The following PRKAA2 variants were observed in gnomAD, a reference collection of about 807,000 sequenced individuals.
The protein encoded by PRKAA2 is protein kinase AMP-activated catalytic subunit alpha 2, also known as 5'-AMP-activated protein kinase catalytic subunit alpha-2.
PRKAA2 carries 40 observed loss-of-function variants against 56.3 expected under a neutral mutation model. The observed-to-expected ratio is 0.71, with a 90% CI of 0.55 to 0.92. The LOEUF is 0.92. Ranked by LOEUF, PRKAA2 falls within the 40% of genes least tolerant of loss-of-function variation. The pLI is 0.00. For synonymous variants in PRKAA2, 214 were observed against 234.2 expected (o/e 0.91, Z 0.79); for missense variants, 542 against 686.9 (o/e 0.79, Z 2.36).
intron 1 of PRKAA2, among the ~76,000 whole-genome samples, chr1:56,656,307 A>G (rs1436976019): frequency 6.6e-6 from 1 of 152,204 alleles, no homozygotes; most frequent in Non-Finnish European, 1.5e-5. Context: ...AGTTAATTGC[A>G]AACCTCCATT....
intron 2 of PRKAA2, among the ~76,000 whole-genome samples, chr1:56,689,190 A>G (rs976662652): frequency 6.6e-6 from 1 of 152,300 alleles, no homozygotes; most frequent in Non-Finnish European, 1.5e-5. Context: ...AGACCAACCT[A>G]CAGTGAGGTG....
chr1:56,661,173 G>A (rs781651270), intron 1 of PRKAA2, among the ~76,000 whole-genome samples: 3 of 152,130 alleles, frequency 2.0e-5, no homozygotes, highest in Non-Finnish European at 4.4e-5. Flanking sequence ...CACAGCTTAG[G>A]TATATAGTGT....
At chr1:56,653,411 T>C (rs899337934) in intron 1 of PRKAA2, among the ~76,000 whole-genome samples, 10 of 152,096 alleles carry the variant, frequency 6.6e-5, no homozygotes, top group Non-Finnish European at 1.5e-4. Context: ...GCTATTTTCA[T>C]AGTATGTCCA....
intron 6 of PRKAA2, among the ~76,000 whole-genome samples, chr1:56,700,747 G>C (rs138860052): frequency 6.0e-4 from 91 of 152,258 alleles, no homozygotes; most frequent in African/African-American, 1.9e-3. Context: ...AGAACTGCTA[G>C]ACATGTAAAA....
At position 56,712,855 on chromosome 1, in the gene PRKAA2, AAAAC is replaced by A. The variant is rs1281071053; in HGVS notation, c.*5146_*5149del. ...TGACAGCACAAGACTGTCTCAAAAA[AAAAC>A]AAAAAAAGGAAAAAGAAAACTAGCC... On this transcript the variant is annotated 3_prime_UTR_variant, in exon 9 of 9. Coordinates refer to ENST00000371244, the MANE Select transcript of PRKAA2 (RefSeq NM_006252.4). The A allele has an allele frequency of 1.3e-5, 2 of 152,124 alleles. No individual in the cohort carries two copies. Among genetic ancestry groups the A allele is most frequent in the African/African-American group, 2.4e-5 (1 of 41,404 alleles). 9.4% of individuals were successfully genotyped at this position (152,124 alleles called of 1,614,324 possible).
rs750469075 is a variant in PRKAA2, at chr1:56,707,592, C to G, written c.1538C>G (p.Ser513Cys). ...DSTTAESHSL[S>C]GSLTGSLTGS... ...ACAACTGCAGAGAGCCATTCACTTT[C>G]TGGCTCTCTCACTGGCTCTTTGACC... Residue 513 changes from serine to cysteine, a missense_variant, in exon 9 of 9, where the codon TCT (serine) becomes TGT (cysteine). By Grantham distance (112) the Ser-to-Cys change is moderately radical (BLOSUM62 -1). Around this residue, in one of 5 missense-constraint regions of PRKAA2, gnomAD observed 158 missense variants for 166.1 expected, o/e 0.95. Transcript: ENST00000371244. 6.8e-6 allele frequency: 11 copies of G among 1,613,914 alleles called. No individual in the cohort carries two copies. In the East Asian group the frequency reaches 2.5e-4, roughly 36 times the overall value.
In PRKAA2 at chr1:56,713,269, A is replaced by G. The variant is rs961261336; in HGVS notation, c.*5556A>G. 6.6e-6 allele frequency: 1 copy of G among 152,206 alleles called. No homozygotes were observed. Among genetic ancestry groups the G allele is most frequent in the Non-Finnish European group, 1.5e-5 (1 of 68,032 alleles). 9.4% of individuals were successfully genotyped at this position (152,206 alleles called of 1,614,324 possible). A position where few individuals can be genotyped will look rare whatever the true frequency, so the allele number is the denominator to read the frequency against. ...ACTTCTTCATCCATAGCCTGATAAG[A>G]ATCAGGCTGGGTCTAGAAGAGTTAT... On this transcript the variant is annotated 3_prime_UTR_variant, in exon 9 of 9. Coordinates refer to ENST00000371244, the MANE Select transcript of PRKAA2 (RefSeq NM_006252.4).
At position 56,695,979 on chromosome 1, in the gene PRKAA2, T is replaced by A. The variant is rs1422713891; in HGVS notation, c.608T>A (p.Ile203Asn). 8.1e-6 allele frequency: 13 copies of A among 1,612,278 alleles called. No homozygotes were observed. The highest frequency in any genetic ancestry group is 1.1e-5 in the Non-Finnish European group (13 of 1,179,714). ...GTTGATATCTGGAGCTGTGGTGTTA[T>A]CTTGTATGCTCTTCTTTGTGGCACC... ...PEVDIWSCGV[I>N]LYALLCGTLP... Residue 203 changes from isoleucine to asparagine, a missense_variant, in exon 6 of 9, where the codon ATC becomes AAC. Coordinates refer to ENST00000371244, the MANE Select transcript of PRKAA2 (RefSeq NM_006252.4).
intron 1 of PRKAA2, among the ~76,000 whole-genome samples, chr1:56,652,574 A>G (rs1643910132): frequency 6.6e-6 from 1 of 152,196 alleles, no homozygotes; most frequent in Non-Finnish European, 1.5e-5. Context: ...CATTTCTACT[A>G]CCAGTTGTCT....
At chr1:56,695,645 C>CA (rs1644254441) in intron 5 of PRKAA2, among the ~76,000 whole-genome samples, 1 of 152,000 alleles carries the variant, frequency 6.6e-6, no homozygotes, top group African/African-American at 2.4e-5. Context: ...TTGTTTCCCT[C>CA]AAAAATCAAC....
chr1:56,676,714 A>G (rs1644116122), intron 2 of PRKAA2, among the ~76,000 whole-genome samples: 1 of 152,162 alleles, frequency 6.6e-6, no homozygotes, highest in South Asian at 2.1e-4. Flanking sequence ...TTTAGTCTTT[A>G]CTGCTGTACT....
intron 1 of PRKAA2, among the ~76,000 whole-genome samples, chr1:56,655,401 C>T (rs1273201614): frequency 8.5e-6 from 1 of 117,194 alleles, no homozygotes; most frequent in Non-Finnish European, 1.7e-5. Flanking sequence ...AGACATGAGC[C>T]ACCATGCCCA....
intron 4 of PRKAA2, among the ~76,000 whole-genome samples, chr1:56,693,046 G>T (rs1426451745): frequency 6.6e-6 from 1 of 152,126 alleles, no homozygotes; most frequent in Non-Finnish European, 1.5e-5. Flanking sequence ...CACTTTCTGG[G>T]ATAAACATAC....
chr1:56,646,207 C>T (rs1646641125), intron 1 of PRKAA2, among the ~76,000 whole-genome samples: 1 of 152,072 alleles, frequency 6.6e-6, no homozygotes, highest in Admixed American at 6.6e-5. Context: ...AGTCTTTCTT[C>T]CTGGGGTGTT....
chr1:56,665,693 AAT>A (rs1221976351), intron 1 of PRKAA2, among the ~76,000 whole-genome samples: 5 of 152,182 alleles, frequency 3.3e-5, no homozygotes, highest in African/African-American at 9.7e-5. Context: ...TTTCTTGACT[AAT>A]ACATGGCATT....
intron 2 of PRKAA2, among the ~76,000 whole-genome samples, chr1:56,682,105 C>T (rs1275805815): frequency 6.6e-6 from 1 of 152,072 alleles, no homozygotes; most frequent in Non-Finnish European, 1.5e-5. Flanking sequence ...GTATTTTATT[C>T]TCTTTGAAGC....
At chr1:56,661,485 T>C (rs1643994026) in intron 1 of PRKAA2, among the ~76,000 whole-genome samples, 1 of 152,198 alleles carries the variant, frequency 6.6e-6, no homozygotes, top group Admixed American at 6.5e-5. Flanking sequence ...TTATGAGATC[T>C]ATCCATGTCA....
intron 1 of PRKAA2, among the ~76,000 whole-genome samples, chr1:56,656,146 C>T (rs758290745): frequency 6.6e-6 from 1 of 151,870 alleles, no homozygotes; most frequent in Non-Finnish European, 1.5e-5. Flanking sequence ...AGATTAGATT[C>T]CATTGAAGAG....
intron 1 of PRKAA2, among the ~76,000 whole-genome samples, chr1:56,658,597 C>CCT (rs1424900373): frequency 9.0e-5 from 13 of 144,250 alleles, no homozygotes; most frequent in East Asian, 2.3e-4. Context: ...TCCCCCCCCC[C>CCT]GCCATTTTTT....
Sources: gnomAD v4.1 joint callset for allele counts (sites outside exome capture counted in the v4.1 genomes callset) on GRCh38, gnomAD v4.1.1 for gene constraint, gnomAD v4.1.1 regional missense constraint, MANE v1.5 for transcripts, NCBI Gene and HGNC (gene_info 2026-07-23, HGNC 2026-07-21) for gene names.